Variants in LHFPL1 observed in about 807,000 individuals in gnomAD.
LHFPL1 encodes LHFPL tetraspan subfamily member 1 protein.
LHFPL1 carries 4 observed loss-of-function variants against 12.1 expected under a neutral mutation model. The observed-to-expected ratio is 0.33, with a 90% CI of 0.16 to 0.76. The LOEUF is 0.76. Ranked by LOEUF, LHFPL1 falls within the 30% of genes least tolerant of loss-of-function variation. The pLI is 0.61. For missense variants in LHFPL1, 141 were observed against 174.1 expected (o/e 0.81, Z 1.07); for synonymous variants, 52 against 61.9 (o/e 0.84, Z 0.75).
intron 2 of LHFPL1, among the ~76,000 whole-genome samples, chrX:112,665,529 A>T (rs1486018775): frequency 1.8e-5 from 2 of 111,524 alleles, no homozygotes; most frequent in Non-Finnish European, 3.8e-5. Context: ...TTAGCTGGGA[A>T]CTTTTCTAAT....
intron 3 of LHFPL1, among the ~76,000 whole-genome samples, chrX:112,649,181 A>C (rs1930782614): frequency 8.9e-6 from 1 of 112,021 alleles, no homozygotes; most frequent in Admixed American, 9.5e-5. Context: ...GGTGTGCTGC[A>C]CCCATTAACT....
At position 112,669,173 on chromosome X, in the gene LHFPL1, G is replaced by A. The variant is rs150980998; in HGVS notation, c.382+1836C>T. Among the ~76,000 whole-genome samples the A allele has an allele frequency of 3.4e-4, 38 of 112,732 alleles. No individual in the cohort carries two copies. The East Asian group carries it at 9.5e-3, about 28-fold the overall frequency. On this transcript the variant is annotated intron_variant, in intron 2 of 3. Coordinates refer to ENST00000371968, the MANE Select transcript of LHFPL1 (RefSeq NM_178175.4). ...CATCTGCTTTGTGCCAGCCAGGCAC[G>A]GAACTGGGCTCCAGGGCTATAAATA...
intron 3 of LHFPL1, among the ~76,000 whole-genome samples, chrX:112,636,859 G>C (rs1042188565): frequency 4.5e-5 from 5 of 111,925 alleles, no homozygotes; most frequent in African/African-American, 1.3e-4. Context: ...TAAATGCACT[G>C]ACTCTACTTC....
chrX:112,652,660 T>C (rs1930888037), intron 3 of LHFPL1, among the ~76,000 whole-genome samples: 1 of 111,807 alleles, frequency 8.9e-6, no homozygotes, highest in Admixed American at 9.5e-5. Context: ...TCTATTTTGT[T>C]TGGACATTCT....
Position 112,671,239 on chromosome X carries a change from T to C in LHFPL1, c.152A>G (p.Asn51Ser), listed in dbSNP as rs781560334. The change falls in exon 2 of 4, where the codon AAC becomes AGC. Residue 51 changes from asparagine to serine, a missense_variant. By Grantham distance (46) the Asn-to-Ser change is conservative. Transcript: ENST00000371968. ...GTGTCCCTCTCCCCGCACAGGGTAG[T>C]TGCACCTCCGGAATGTGCTGAATGA... is the stretch of plus-strand genomic sequence containing the variant. ...PVSFSTFRRC[N>S]YPVRGEGHSL... 16 of 1,211,977 alleles carry C rather than the reference T, an allele frequency of 1.3e-5. No individual in the cohort carries two copies. The highest frequency in any genetic ancestry group is 1.8e-5 in the Non-Finnish European group (16 of 895,545).
At chrX:112,665,839 C>G (rs1224670468) in intron 2 of LHFPL1, among the ~76,000 whole-genome samples, 1 of 111,997 alleles carries the variant, frequency 8.9e-6, no homozygotes, top group Non-Finnish European at 1.9e-5. Flanking sequence ...TGAGACAGAA[C>G]TTGGAGCCCT....
chrX:112,662,181 A>C, intron 2 of LHFPL1, among the ~76,000 whole-genome samples: 1 of 112,535 alleles, frequency 8.9e-6, no homozygotes, highest in East Asian at 2.8e-4. Flanking sequence ...GTGCCACACT[A>C]ATGAACATGG....
At chrX:112,665,674 C>T (rs1931312521) in intron 2 of LHFPL1, among the ~76,000 whole-genome samples, 1 of 111,815 alleles carries the variant, frequency 8.9e-6, no homozygotes, top group South Asian at 3.8e-4. Flanking sequence ...CCTAAGAATC[C>T]CCTATCACAA....
At chrX:112,660,156 C>A (rs762236242) in intron 3 of LHFPL1, among the ~76,000 whole-genome samples, 1 of 112,489 alleles carries the variant, frequency 8.9e-6, no homozygotes, top group Non-Finnish European at 1.9e-5. Context: ...GTCACCTACT[C>A]TAATATTTAA....
intron 3 of LHFPL1, among the ~76,000 whole-genome samples, chrX:112,652,827 T>A (rs1443920749): frequency 8.9e-6 from 1 of 111,932 alleles, no homozygotes; most frequent in African/African-American, 3.2e-5. Context: ...GTAGATGAAA[T>A]CAACCTGACA....
chrX:112,677,021 C>T (rs1931672281), intron 1 of LHFPL1, among the ~76,000 whole-genome samples: 1 of 111,724 alleles, frequency 9.0e-6, no homozygotes, highest in Non-Finnish European at 1.9e-5. Context: ...TTTGTTCTCA[C>T]TTTTTTCACT....
chrX:112,675,213 T>C (rs767845495), intron 1 of LHFPL1, among the ~76,000 whole-genome samples: 10 of 111,227 alleles, frequency 9.0e-5, no homozygotes, highest in Middle Eastern at 4.2e-3. Context: ...AAATCACCAC[T>C]AAAGAACTTA....
chrX:112,634,259 A>G (rs892555350), intron 3 of LHFPL1, among the ~76,000 whole-genome samples: 16 of 110,867 alleles, frequency 1.4e-4, no homozygotes, highest in Non-Finnish European at 2.8e-4. Context: ...TCACACCCAA[A>G]AGCATTTTTC....
Position 112,631,181 on chromosome X carries a change from G to A in LHFPL1, c.*239C>T, listed in dbSNP as rs999405910. 1.3e-5 allele frequency: 4 copies of A among 301,488 alleles called. No homozygotes were observed. Among genetic ancestry groups the A allele is most frequent in the Non-Finnish European group, 2.3e-5 (4 of 171,061 alleles). 24.8% of individuals were successfully genotyped at this position (301,488 alleles called of 1,213,427 possible). A position where few individuals can be genotyped will look rare whatever the true frequency, so the allele number is the denominator to read the frequency against. Reference sequence around the variant, plus strand: ...GCATAAAGGGGTACTTTGGGTCTTCGGGTTAGCACGACTTGCCAGTTGGGT... The same window carrying A: ...GCATAAAGGGGTACTTTGGGTCTTCAGGTTAGCACGACTTGCCAGTTGGGT... On this transcript the variant is annotated 3_prime_UTR_variant, in exon 4 of 4. Coordinates refer to ENST00000371968, the MANE Select transcript of LHFPL1 (RefSeq NM_178175.4).
At chrX:112,636,010 T>C in intron 3 of LHFPL1, among the ~76,000 whole-genome samples, 1 of 111,267 alleles carries the variant, frequency 9.0e-6, no homozygotes, top group Non-Finnish European at 1.9e-5. Flanking sequence ...CTTGGCGCTA[T>C]TGACATTTTG....
chrX:112,649,792 T>C (rs1282252876), intron 3 of LHFPL1, among the ~76,000 whole-genome samples: 2 of 111,739 alleles, frequency 1.8e-5, no homozygotes, highest in Non-Finnish European at 3.8e-5. Context: ...TTTTATAACT[T>C]TTTTCTTCTC....
At chrX:112,646,171 T>A (rs772640545) in intron 3 of LHFPL1, among the ~76,000 whole-genome samples, 8 of 110,913 alleles carry the variant, frequency 7.2e-5, no homozygotes, top group Non-Finnish European at 1.1e-4. Context: ...TCCTAAACTG[T>A]TCAACTGAAG....
chrX:112,640,727 T>C (rs1032378309), intron 3 of LHFPL1, among the ~76,000 whole-genome samples: 4 of 111,450 alleles, frequency 3.6e-5, no homozygotes, highest in African/African-American at 1.3e-4. Context: ...ATTGTGTGTC[T>C]TAGCGTAACA....
chrX:112,633,860 C>T (rs1411990335), intron 3 of LHFPL1, among the ~76,000 whole-genome samples: 1 of 111,452 alleles, frequency 9.0e-6, no homozygotes, highest in Non-Finnish European at 1.9e-5. Context: ...TAAACGTGAA[C>T]AACAATGGTG....
Sources: allele counts gnomAD v4.1 joint callset (sites outside exome capture counted in the v4.1 genomes callset), GRCh38; gene constraint gnomAD v4.1.1; transcripts MANE v1.5; gene names NCBI Gene and HGNC (gene_info 2026-07-23, HGNC 2026-07-21).